Variants in OR6C3 observed in about 807,000 individuals in gnomAD.
OR6C3 encodes olfactory receptor 6C3.
For synonymous variants in OR6C3, 177 were observed against 137.4 expected (o/e 1.29, Z -2.02); for missense variants, 487 against 364.6 (o/e 1.34, Z -2.73).
At position 55,332,532 on chromosome 12, in the gene OR6C3, G is replaced by C. The variant is rs1173673761; in HGVS notation, c.832G>C (p.Val278Leu). The change falls in exon 2 of 2, where the codon GTT becomes CTT. Residue 278 changes from valine to leucine, a missense_variant. Val to Leu is a conservative substitution (Grantham distance 32). Coordinates refer to ENST00000641740, the MANE Select transcript of OR6C3 (RefSeq NM_001388498.1). ...TKGIAILNTS[V>L]APMLNPFIYT... ...AGGAATAGCTATTCTCAATACATCT[G>C]TTGCCCCCATGCTGAACCCCTTCAT... is the stretch of plus-strand genomic sequence containing the variant. The C allele has an allele frequency of 1.2e-6, 2 of 1,613,666 alleles. No homozygotes were observed. Among genetic ancestry groups the C allele is most frequent in the East Asian group, 2.2e-5 (1 of 44,862 alleles).
intron 1 of OR6C3, 68 bp from the exon 2 acceptor site, chr12:55,331,589 G>C (rs1868848848): frequency 3.1e-6 from 2 of 655,150 alleles, no homozygotes; most frequent in East Asian, 5.5e-5. Context: ...ATAATTATAT[G>C]GATCATGATG....
In OR6C3 at chr12:55,331,718, C is replaced by T; in HGVS notation, c.18C>T (p.Val6=). The change falls in exon 2 of 2, where the codon GTC becomes GTT. Residue 6 remains valine (V), a synonymous_variant. Coordinates refer to ENST00000641740, the MANE Select transcript of OR6C3 (RefSeq NM_001388498.1). MNHTM[V]TEFVLLGLSD... Reference sequence around the variant, plus strand: ...GACGAGACATGAACCACACAATGGTCACAGAGTTTGTCCTCCTGGGCCTTT... The same window carrying T: ...GACGAGACATGAACCACACAATGGTTACAGAGTTTGTCCTCCTGGGCCTTT... 1.2e-6 allele frequency: 2 copies of T among 1,612,036 alleles called. No individual in the cohort carries two copies. The highest frequency in any genetic ancestry group is 1.7e-6 in the Non-Finnish European group (2 of 1,178,458).
chr12:55,331,560 G>T, intron 1 of OR6C3, 97 bp from the exon 2 acceptor site: 1 of 582,738 alleles, frequency 1.7e-6, no homozygotes, highest in Non-Finnish European at 3.0e-6. Flanking sequence ...GACTGTAGAA[G>T]ATTTTTAGAA....
In OR6C3 at chr12:55,332,574, C is replaced by A; in HGVS notation, c.874C>A (p.Gln292Lys). 6.2e-7 allele frequency: 1 copy of A among 1,611,178 alleles called. No individual in the cohort carries two copies. The highest frequency in any genetic ancestry group is 8.5e-7 in the Non-Finnish European group (1 of 1,179,602). The change falls in exon 2 of 2, where the codon CAG becomes AAG. Residue 292 changes from glutamine to lysine, a missense_variant. Physicochemically the swap from Gln to Lys is moderately conservative, Grantham distance 53 (BLOSUM62 1). Transcript: ENST00000641740. ...LNPFIYTLRN[Q>K]QVKQAFKNVV... ...CCCCTTCATTTACACTCTGAGAAAC[C>A]AGCAAGTAAAACAAGCCTTCAAAAA...
In OR6C3 at chr12:55,332,399, G is replaced by C; in HGVS notation, c.699G>C (p.Lys233Asn). 2 of 1,613,940 alleles carry C rather than the reference G, an allele frequency of 1.2e-6. No individual in the cohort carries two copies. The highest frequency in any genetic ancestry group is 1.7e-6 in the Non-Finnish European group (2 of 1,179,926). The change falls in exon 2 of 2, where the codon AAG (lysine) becomes AAC (asparagine). Residue 233 changes from lysine to asparagine, a missense_variant. Coordinates refer to ENST00000641740, the MANE Select transcript of OR6C3 (RefSeq NM_001388498.1). ...LRIPSASQRK[K>N]AFSTCSSHMI... ...TCCCGTCTGCCAGTCAAAGAAAAAA[G>C]GCTTTCTCCACTTGTTCTTCTCACA...
At position 55,332,460 on chromosome 12, in the gene OR6C3, T is replaced by C; in HGVS notation, c.760T>C (p.Phe254Leu). 1 of 1,614,106 alleles carries C rather than the reference T, an allele frequency of 6.2e-7. No homozygotes were observed. The highest frequency in any genetic ancestry group is 1.1e-5 in the South Asian group (1 of 91,082). The change falls in exon 2 of 2, where the codon TTC becomes CTC. Residue 254 changes from phenylalanine to leucine, a missense_variant. By Grantham distance (22) the Phe-to-Leu change is conservative. Coordinates refer to ENST00000641740, the MANE Select transcript of OR6C3 (RefSeq NM_001388498.1). The part of the protein sequence containing the change: ...VISISYGSCI[F>L]MYANPSAKEK... ...TTCCATTTCTTATGGAAGCTGTATA[T>C]TCATGTATGCTAATCCATCTGCAAA...
chr12:55,331,998 T>A lies in OR6C3; in HGVS notation c.298T>A (p.Phe100Ile), dbSNP rs760145389. 3 of 1,614,038 alleles carry A rather than the reference T, an allele frequency of 1.9e-6. No individual in the cohort carries two copies. The highest frequency in any genetic ancestry group is 1.7e-5 in the Admixed American group (1 of 59,998). Residue 100 changes from phenylalanine (F) to isoleucine (I), a missense_variant, in exon 2 of 2, where the codon TTC becomes ATC. Physicochemically the swap from Phe to Ile is conservative, Grantham distance 21 (BLOSUM62 0). Transcript: ENST00000641740. ...SYNNCAAQLFFFIFMGVTEFY... is the reference protein window; with the variant it reads ...SYNNCAAQLFIFIFMGVTEFY... ...TAACAACTGTGCAGCCCAACTCTTT[T>A]TCTTTATCTTCATGGGGGTGACTGA...
chr12:55,332,126 G>A lies in OR6C3; in HGVS notation c.426G>A (p.Val142=). ...IMNRKLCTLL[V]LCAWLSGFLT... The stretch of plus-strand genomic sequence containing the variant: ...ACAGGAAACTCTGCACTCTACTTGT[G>A]CTGTGTGCCTGGCTAAGTGGGTTTC... Residue 142 remains valine, a synonymous_variant, in exon 2 of 2, where the codon GTG becomes GTA. Transcript: ENST00000641740. 6.2e-7 allele frequency: 1 copy of A among 1,614,100 alleles called. No individual in the cohort carries two copies. The highest frequency in any genetic ancestry group is 1.7e-5 in the Admixed American group (1 of 60,000).
At position 55,331,823 on chromosome 12, in the gene OR6C3, TATC is replaced by T. The variant is rs1476123862; in HGVS notation, c.128_130del (p.Ile43del). The T allele has an allele frequency of 1.2e-6, 2 of 1,614,058 alleles. No homozygotes were observed. The highest frequency in any genetic ancestry group is 2.2e-5 in the South Asian group (2 of 91,082). On this transcript the variant is annotated inframe_deletion, in exon 2 of 2. Transcript: ENST00000641740. The stretch of plus-strand genomic sequence containing the variant: ...TATTAAGTGTTACTGGAAACCTGAC[TATC>T]ATCACCCTAACCTTTGTGGACTCCC...
In OR6C3 at chr12:55,332,226, T is replaced by G; in HGVS notation, c.526T>G (p.Cys176Gly). Residue 176 changes from cysteine to glycine, a missense_variant, in exon 2 of 2, where the codon TGT becomes GGT. Coordinates refer to ENST00000641740, the MANE Select transcript of OR6C3 (RefSeq NM_001388498.1). ...TTCCAACGTCATTGATCACTTTGCA[T>G]GTGACTATTTTCCCCTCTTACAACT... ...CASNVIDHFACDYFPLLQLSC... is the reference protein window; with the variant it reads ...CASNVIDHFAGDYFPLLQLSC... 1 of 1,614,150 alleles carries G rather than the reference T, an allele frequency of 6.2e-7. No individual in the cohort carries two copies. The highest frequency in any genetic ancestry group is 1.3e-5 in the African/African-American group (1 of 75,062).
upstream of OR6C3, chr12:55,330,160 T>C (rs1868797632): frequency 6.6e-6 from 1 of 152,186 alleles, no homozygotes; most frequent in African/African-American, 2.4e-5. Context: ...ATTGTAGATA[T>C]AAGTATGACC....
Position 55,331,661 on chromosome 12 carries a change from A to G in OR6C3, c.-40A>G. 1 of 1,326,440 alleles carries G rather than the reference A, an allele frequency of 7.5e-7. No homozygotes were observed. Among genetic ancestry groups the G allele is most frequent in the Non-Finnish European group, 1.1e-6 (1 of 951,732 alleles). The allele number at this position is 1,326,440 out of a possible 1,614,324, so 82.2% of individuals were successfully genotyped here. A position where few individuals can be genotyped will look rare whatever the true frequency, so the allele number is the denominator to read the frequency against. ...CTACCAAAATATCTTTAAAAGAACA[A>G]AAAGGAGAGTGGAAGAAGGAGAGAG... is the stretch of plus-strand genomic sequence containing the variant. On this transcript the variant is annotated 5_prime_UTR_variant, in exon 2 of 2. Coordinates refer to ENST00000641740, the MANE Select transcript of OR6C3 (RefSeq NM_001388498.1).
chr12:55,331,613 A>T, intron 1 of OR6C3, 44 bp from the exon 2 acceptor site: 2 of 778,770 alleles, frequency 2.6e-6, no homozygotes, highest in East Asian at 2.6e-5. Flanking sequence ...TATATCTTTT[A>T]TCTATTTTCC....
At position 55,332,474 on chromosome 12, in the gene OR6C3, T is replaced by A. The variant is rs1417018907; in HGVS notation, c.774T>A (p.Asn258Lys). Residue 258 changes from asparagine (N) to lysine (K), a missense_variant, in exon 2 of 2, where the codon AAT becomes AAA. Transcript: ENST00000641740. ...GAAGCTGTATATTCATGTATGCTAA[T>A]CCATCTGCAAAAGAAAAGGCATCAT... is the stretch of plus-strand genomic sequence containing the variant. Reference protein sequence around the residue: ...SYGSCIFMYANPSAKEKASLT... With the variant: ...SYGSCIFMYAKPSAKEKASLT... 4.3e-6 allele frequency: 7 copies of A among 1,613,970 alleles called. No individual in the cohort carries two copies. The highest frequency in any genetic ancestry group is 3.3e-5 in the Admixed American group (2 of 59,990).
At position 55,331,682 on chromosome 12, in the gene OR6C3, GA is replaced by G. The variant is rs1555173460; in HGVS notation, c.-18del. 6.5e-7 allele frequency: 1 copy of G among 1,528,696 alleles called. No homozygotes were observed. Among genetic ancestry groups the G allele is most frequent in the African/African-American group, 1.4e-5 (1 of 72,492 alleles). 94.7% of individuals were successfully genotyped at this position (1,528,696 alleles called of 1,614,324 possible). ...AACAAAAAGGAGAGTGGAAGAAGGAGAGAGAGAAAGGACGAGACATGAACCA... is the reference window on the plus strand; with the variant it reads ...AACAAAAAGGAGAGTGGAAGAAGGAGGAGAGAAAGGACGAGACATGAACCA... On this transcript the variant is annotated 5_prime_UTR_variant, in exon 2 of 2. Coordinates refer to ENST00000641740, the MANE Select transcript of OR6C3 (RefSeq NM_001388498.1).
rs767675422 is a variant in OR6C3, at chr12:55,332,304, G to T, written c.604G>T (p.Val202Phe). ...LEVIGFYFAL[V>F]TLLFTLALVI... Reference sequence around the variant, plus strand: ...AGTAATTGGTTTTTACTTTGCTTTGGTTACTTTGCTGTTCACTTTGGCATT... The same window carrying T: ...AGTAATTGGTTTTTACTTTGCTTTGTTTACTTTGCTGTTCACTTTGGCATT... The change falls in exon 2 of 2, where the codon GTT becomes TTT. Residue 202 changes from valine to phenylalanine, a missense_variant. By Grantham distance (50) the Val-to-Phe change is conservative. Coordinates refer to ENST00000641740, the MANE Select transcript of OR6C3 (RefSeq NM_001388498.1). 3 of 1,613,972 alleles carry T rather than the reference G, an allele frequency of 1.9e-6. No homozygotes were observed. Among genetic ancestry groups the T allele is most frequent in the Non-Finnish European group, 2.5e-6 (3 of 1,179,992 alleles).
Position 55,332,553 on chromosome 12 carries a change from T to G in OR6C3, c.853T>G (p.Phe285Val), listed in dbSNP as rs928352243. 1 of 1,613,230 alleles carries G rather than the reference T, an allele frequency of 6.2e-7. No individual in the cohort carries two copies. Among genetic ancestry groups the G allele is most frequent in the Non-Finnish European group, 8.5e-7 (1 of 1,179,976 alleles). ...NTSVAPMLNP[F>V]IYTLRNQQVK... ...ATCTGTTGCCCCCATGCTGAACCCC[T>G]TCATTTACACTCTGAGAAACCAGCA... Residue 285 changes from phenylalanine to valine, a missense_variant, in exon 2 of 2, where the codon TTC (phenylalanine) becomes GTC (valine). Physicochemically the swap from Phe to Val is conservative, Grantham distance 50. Transcript: ENST00000641740.
At chr12:55,330,586 A>G (rs1868809444), upstream of OR6C3, among the ~76,000 whole-genome samples, 1 of 152,166 alleles carries the variant, frequency 6.6e-6, no homozygotes, top group African/African-American at 2.4e-5. Flanking sequence ...GCAGTTCTTG[A>G]ATAGCTGAAA....
rs80148330 is a variant in OR6C3 at position 55,332,355 on chromosome 12, A to G, written c.655A>G (p.Ile219Val). Residue 219 changes from isoleucine to valine, a missense_variant, in exon 2 of 2, where the codon ATC becomes GTC. Transcript: ENST00000641740. ...ALVILSYMYI[I>V]RTILRIPSAS... ...AGTGATTTTATCTTACATGTACATT[A>G]TCAGGACCATTTTGAGAATCCCGTC... 1 of 1,614,154 alleles carries G rather than the reference A, an allele frequency of 6.2e-7. No individual in the cohort carries two copies.
Sources: allele counts gnomAD v4.1 joint callset (sites outside exome capture counted in the v4.1 genomes callset), GRCh38; gene constraint gnomAD v4.1.1; transcripts MANE v1.5; gene names NCBI Gene and HGNC (gene_info 2026-07-23, HGNC 2026-07-21).